Variants in RELL1 observed in about 807,000 individuals in gnomAD.
The protein encoded by RELL1 is RELT-like protein 1.
RELL1 carries 10 observed loss-of-function variants against 23.0 expected under a neutral mutation model. The observed-to-expected ratio is 0.43, with a 90% CI of 0.27 to 0.74. RELL1 has a LOEUF of 0.74. Ranked by LOEUF, RELL1 falls within the 30% of genes least tolerant of loss-of-function variation. The probability of loss-of-function intolerance (pLI) is 0.19; values close to 1 mark genes in which losing one functional copy is unlikely to be tolerated. For missense variants in RELL1, 315 were observed against 364.4 expected (o/e 0.86, Z 1.10); for synonymous variants, 146 against 146.8 (o/e 0.99, Z 0.04).
chr4:37,600,814 GTTTGA>G lies in RELL1; in HGVS notation c.*4-9602_*4-9598del, dbSNP rs528591812. ...GTGTGTGTGTGTGTGTGTAGTTTTT[GTTTGA>G]TTTGGTCAACACTAATATTCATCTG... On this transcript the variant is annotated intron_variant, in intron 6 of 6. Coordinates refer to the RELL1 transcript ENST00000314117. 8.2e-3 allele frequency among the ~76,000 whole-genome samples: 808 copies of G among 98,868 alleles called. 3 individuals are homozygous for G. Among genetic ancestry groups the G allele is most frequent in the African/African-American group, 0.036 (769 of 21,622 alleles). 64.9% of individuals were successfully genotyped at this position (98,868 alleles called of 152,430 possible). A position where few individuals can be genotyped will look rare whatever the true frequency, so the allele number is the denominator to read the frequency against.
intron 6 of RELL1, among the ~76,000 whole-genome samples, chr4:37,598,252 C>CAA (rs56142508): frequency 0.18 from 2,006 of 11,248 alleles, 767 homozygotes; most frequent in Non-Finnish European, 0.31. Context: ...AACTCTGTCT[C>CAA]AAAAAAAAAA....
At chr4:37,670,629 G>T (rs1280196550) in intron 1 of RELL1, among the ~76,000 whole-genome samples, 5 of 150,170 alleles carry the variant, frequency 3.3e-5, no homozygotes, top group African/African-American at 1.2e-4. Flanking sequence ...GGAGTGCAGT[G>T]GTGTGATCTC....
At chr4:37,627,209 A>T (rs774057593) in intron 6 of RELL1, among the ~76,000 whole-genome samples, 19 of 152,216 alleles carry the variant, frequency 1.2e-4, no homozygotes, top group Non-Finnish European at 2.4e-4. Flanking sequence ...GGTTATGTAA[A>T]CTTACTAAAT....
chr4:37,598,899 G>A (rs1485282158), intron 6 of RELL1, among the ~76,000 whole-genome samples: 2 of 151,992 alleles, frequency 1.3e-5, no homozygotes, highest in Non-Finnish European at 2.9e-5. Context: ...TGCCCAGGCT[G>A]GTCTCGAACT....
intron 6 of RELL1, among the ~76,000 whole-genome samples, chr4:37,616,915 T>G (rs1719594721): frequency 6.6e-6 from 1 of 152,218 alleles, no homozygotes; most frequent in Non-Finnish European, 1.5e-5. Flanking sequence ...CCTGCGTAGA[T>G]CGGCATCTTG....
intron 1 of RELL1, among the ~76,000 whole-genome samples, chr4:37,659,318 A>G (rs558221534): frequency 6.6e-6 from 1 of 152,366 alleles, no homozygotes; most frequent in East Asian, 1.9e-4. Flanking sequence ...GATGAAAAAG[A>G]TCAAAGACAG....
At chr4:37,640,466 A>C (rs963690155) in intron 3 of RELL1, among the ~76,000 whole-genome samples, 2 of 152,222 alleles carry the variant, frequency 1.3e-5, no homozygotes, top group Non-Finnish European at 2.9e-5. Context: ...TGGATATACA[A>C]TCCCATATAC....
rs560066864 is a variant in RELL1 at position 37,592,080 on chromosome 4, C to T, written c.*4-863G>A. On this transcript the variant is annotated intron_variant, in intron 6 of 6. Coordinates refer to the RELL1 transcript ENST00000314117. ...AAAATTATCCGGGCACGGTGGCGGG[C>T]GCCTGTAATCCCAGCTACTTGGGAG... Among the ~76,000 whole-genome samples, 17 of 151,642 alleles carry T rather than the reference C, an allele frequency of 1.1e-4. No individual in the cohort carries two copies. The East Asian group carries it at 1.6e-3, about 14-fold the overall frequency.
At chr4:37,640,285 G>A (rs1720482152) in intron 3 of RELL1, among the ~76,000 whole-genome samples, 1 of 152,120 alleles carries the variant, frequency 6.6e-6, no homozygotes, top group Non-Finnish European at 1.5e-5. Context: ...AAGACCTCCT[G>A]TCATTACAAA....
intron 6 of RELL1, among the ~76,000 whole-genome samples, chr4:37,605,317 C>A (rs1719161267): frequency 6.6e-6 from 1 of 152,098 alleles, no homozygotes; most frequent in Non-Finnish European, 1.5e-5. Flanking sequence ...AATGAGGACA[C>A]CTAGTCCTCT....
At chr4:37,676,087 G>A (rs929569740) in intron 1 of RELL1, among the ~76,000 whole-genome samples, 3 of 152,116 alleles carry the variant, frequency 2.0e-5, no homozygotes, top group Non-Finnish European at 4.4e-5. Context: ...CCTCCAGAGA[G>A]CATGCCCAAC....
intron 6 of RELL1, among the ~76,000 whole-genome samples, chr4:37,619,037 C>G (rs1285994027): frequency 6.6e-6 from 1 of 150,566 alleles, no homozygotes; most frequent in Non-Finnish European, 1.5e-5. Context: ...GCGCCACCAC[C>G]CCCAGCTATT....
rs143532053 is a variant in RELL1, at chr4:37,646,612, A to G, written c.385+756T>C. 9.9e-4 allele frequency among the ~76,000 whole-genome samples: 151 copies of G among 152,274 alleles called. 1 individual carries two copies. Among genetic ancestry groups the G allele is most frequent in the African/African-American group, 3.1e-3 (130 of 41,560 alleles). On this transcript the variant is annotated intron_variant, in intron 3 of 6. Coordinates refer to ENST00000454158, the MANE Select transcript of RELL1 (RefSeq NM_001085400.2). ...TAAATTTTATGTGTATTTTACCACA[A>G]TTTTTTTAAGCGCATGAAAAAGGAA...
chr4:37,635,625 T>C (rs553681210), intron 4 of RELL1, among the ~76,000 whole-genome samples: 63 of 152,112 alleles, frequency 4.1e-4, no homozygotes, highest in African/African-American at 1.5e-3. Flanking sequence ...GACCTGTCTC[T>C]AGAAGAAAAA....
intron 3 of RELL1, among the ~76,000 whole-genome samples, chr4:37,641,388 T>C (rs554210966): frequency 6.6e-6 from 1 of 152,334 alleles, no homozygotes; most frequent in East Asian, 1.9e-4. Flanking sequence ...TTTTCTAATA[T>C]AACACCACCG....
At chr4:37,624,728 C>A (rs1005258287) in intron 6 of RELL1, among the ~76,000 whole-genome samples, 4 of 152,230 alleles carry the variant, frequency 2.6e-5, no homozygotes, top group Middle Eastern at 3.4e-3. Flanking sequence ...CGCGCCCAGC[C>A]GGGAATGGTT....
chr4:37,626,875 TA>T (rs1198014416), intron 6 of RELL1, among the ~76,000 whole-genome samples: 4 of 79,538 alleles, frequency 5.0e-5, no homozygotes, highest in Admixed American at 1.9e-4. Context: ...TGGTTAGAGG[TA>T]GGGGCGGGGG....
rs866679647 is a variant in RELL1, at chr4:37,668,960, T to C, written c.88+17240A>G. 1.8e-4 allele frequency among the ~76,000 whole-genome samples: 26 copies of C among 147,086 alleles called. 2 individuals are homozygous for C. The highest frequency in any genetic ancestry group is 5.6e-4 in the African/African-American group (22 of 39,006). On this transcript the variant is annotated intron_variant, in intron 1 of 6. Coordinates refer to ENST00000454158, the MANE Select transcript of RELL1 (RefSeq NM_001085400.2). ...CCTGGCAACCGCCCTGTCTGAGAGG[T>C]GAGGAGCCCCTCTGCCCGGCCAGCC... is the stretch of plus-strand genomic sequence containing the variant.
chr4:37,597,718 G>A (rs573074002), intron 6 of RELL1, among the ~76,000 whole-genome samples: 4 of 152,312 alleles, frequency 2.6e-5, no homozygotes, highest in African/African-American at 4.8e-5. Flanking sequence ...GCCATAAGCC[G>A]GGTGACAAAC....
Sources: allele counts gnomAD v4.1 joint callset (sites outside exome capture counted in the v4.1 genomes callset), GRCh38; gene constraint gnomAD v4.1.1; transcripts MANE v1.5; gene names NCBI Gene and HGNC (gene_info 2026-07-23, HGNC 2026-07-21).